Variants in RGS6 observed in about 807,000 individuals in gnomAD.
RGS6 encodes regulator of G protein signaling 6, also known as regulator of G-protein signaling 6.
A neutral mutation model predicts 78.5 loss-of-function variants in RGS6; 30 were observed. The observed-to-expected ratio is 0.38, with a 90% CI of 0.29 to 0.52. The LOEUF (loss-of-function observed/expected upper bound fraction) is 0.52, where lower values mean the gene tolerates loss of function less well. RGS6 is among the 20% of genes least tolerant of loss of function. RGS6 has a pLI of 0.85. For missense variants in RGS6, 495 were observed against 609.7 expected (o/e 0.81, Z 1.98); for synonymous variants, 206 against 206.0 (o/e 1.00, Z 0.00).
the RGS6 span, among the ~76,000 whole-genome samples, chr14:71,899,561 A>G: frequency 6.6e-6 from 1 of 152,168 alleles, no homozygotes; most frequent in Non-Finnish European, 1.5e-5. Context: ...AGGTAATTTC[A>G]TTTTGCCTTG....
chr14:72,337,276 C>T (rs1294569919), intron 2 of RGS6, among the ~76,000 whole-genome samples: 1 of 151,560 alleles, frequency 6.6e-6, no homozygotes, highest in African/African-American at 2.4e-5. Flanking sequence ...ACCAACACCC[C>T]CTCCCCTGTA....
At chr14:72,196,961 T>G (rs1256885641) in intron 2 of RGS6, among the ~76,000 whole-genome samples, 2 of 152,252 alleles carry the variant, frequency 1.3e-5, no homozygotes, top group Non-Finnish European at 2.9e-5. Context: ...GAGGGACATT[T>G]TGACCTCTTG....
At chr14:72,049,511 T>G (rs2093089797) in intron 2 of RGS6, among the ~76,000 whole-genome samples, 1 of 152,214 alleles carries the variant, frequency 6.6e-6, no homozygotes, top group Admixed American at 6.5e-5. Flanking sequence ...CTCTCATCTT[T>G]TGCAGATGCA....
rs994100295 is a variant in RGS6 at position 72,278,525 on chromosome 14, G to A, written c.85-73570G>A. Among the ~76,000 whole-genome samples the A allele has an allele frequency of 2.0e-5, 3 of 152,180 alleles. No individual in the cohort carries two copies. The East Asian group carries it at 5.8e-4, about 29-fold the overall frequency. On this transcript the variant is annotated intron_variant, in intron 2 of 17. Coordinates refer to ENST00000553525, the MANE Select transcript of RGS6 (RefSeq NM_001204424.2). ...GGCAAACAGCACATGCCAACAATAT[G>A]TTGCATGATTTGATGCCTGTTTTCA...
At chr14:72,117,735 A>G (rs2095936979) in intron 2 of RGS6, among the ~76,000 whole-genome samples, 1 of 152,058 alleles carries the variant, frequency 6.6e-6, no homozygotes. Context: ...CATGGGAGAG[A>G]TGTGATCGGG....
intron 2 of RGS6, among the ~76,000 whole-genome samples, chr14:72,244,837 T>C (rs921079542): frequency 6.6e-6 from 1 of 152,164 alleles, no homozygotes; most frequent in African/African-American, 2.4e-5. Context: ...TCTTTTTTTT[T>C]TTTTGAGACA....
In RGS6 at chr14:72,107,021, C is replaced by T. The variant is rs142870261; in HGVS notation, c.84+142146C>T. ...AGCCATAGATACTCAATACTTAGAT[C>T]GATTGAGAGAAGCATAATGGTGACA... is the stretch of plus-strand genomic sequence containing the variant. On this transcript the variant is annotated intron_variant, in intron 2 of 17. Coordinates refer to ENST00000553525, the MANE Select transcript of RGS6 (RefSeq NM_001204424.2). Among the ~76,000 whole-genome samples the T allele has an allele frequency of 6.6e-5, 10 of 151,988 alleles. No homozygotes were observed. In the East Asian group the frequency reaches 1.9e-3, roughly 29 times the overall value.
At chr14:72,424,782 C>G (rs1012308303) in intron 3 of RGS6, among the ~76,000 whole-genome samples, 2 of 152,120 alleles carry the variant, frequency 1.3e-5, no homozygotes, top group Non-Finnish European at 2.9e-5. Flanking sequence ...CCATCAGATC[C>G]AGGCATCTGA....
At chr14:72,310,091 C>T (rs1345822449) in intron 2 of RGS6, among the ~76,000 whole-genome samples, 1 of 152,190 alleles carries the variant, frequency 6.6e-6, no homozygotes. Context: ...GCATGTTGGT[C>T]ATTCATTATT....
At chr14:71,931,233 C>G (rs1357251731), upstream of RGS6, among the ~76,000 whole-genome samples, 2 of 152,110 alleles carry the variant, frequency 1.3e-5, no homozygotes, top group African/African-American at 4.8e-5. Context: ...TATGGTTTCT[C>G]TTGGTTGCAG....
At chr14:72,243,837 T>G (rs1424483734) in intron 2 of RGS6, among the ~76,000 whole-genome samples, 1 of 152,100 alleles carries the variant, frequency 6.6e-6, no homozygotes, top group Non-Finnish European at 1.5e-5. Context: ...GACTTTTAAG[T>G]TCTAGAGCTA....
chr14:71,887,571 G>A, the RGS6 span, among the ~76,000 whole-genome samples: 1 of 152,172 alleles, frequency 6.6e-6, no homozygotes, highest in South Asian at 2.1e-4. Flanking sequence ...TCTGTTTTAT[G>A]CAGTTGAGAT....
At chr14:72,411,101 G>T (rs1430193027) in intron 3 of RGS6, among the ~76,000 whole-genome samples, 2 of 152,162 alleles carry the variant, frequency 1.3e-5, no homozygotes, top group East Asian at 3.8e-4. Flanking sequence ...TTCCAATTCT[G>T]TGAAGAAAGT....
intron 13 of RGS6, among the ~76,000 whole-genome samples, chr14:72,502,540 C>T (rs1025559483): frequency 9.2e-5 from 14 of 152,120 alleles, no homozygotes; most frequent in Non-Finnish European, 5.9e-5. Flanking sequence ...CCGAGGCAAG[C>T]GGATCACGAG....
intron 2 of RGS6, among the ~76,000 whole-genome samples, chr14:71,980,039 C>G (rs2094364168): frequency 7.2e-6 from 1 of 139,222 alleles, no homozygotes; most frequent in African/African-American, 2.7e-5. Context: ...CTCTTTTGAT[C>G]TTTGTTGGTT....
the RGS6 span, among the ~76,000 whole-genome samples, chr14:71,927,298 A>G: frequency 3.3e-5 from 5 of 152,242 alleles, no homozygotes; most frequent in African/African-American, 1.2e-4. Flanking sequence ...GCACTCTGAC[A>G]TAACATTATT....
intron 2 of RGS6, among the ~76,000 whole-genome samples, chr14:71,996,646 T>A (rs1295907869): frequency 6.6e-6 from 1 of 152,198 alleles, no homozygotes; most frequent in Non-Finnish European, 1.5e-5. Context: ...TTTATTGCTC[T>A]ATGTCTTGTC....
chr14:72,422,191 A>T (rs1475126417), intron 3 of RGS6, among the ~76,000 whole-genome samples: 1 of 152,182 alleles, frequency 6.6e-6, no homozygotes, highest in East Asian at 1.9e-4. Flanking sequence ...AGCCACGTGG[A>T]ACTGTAAGTC....
chr14:72,414,444 G>T (rs1363956288), intron 3 of RGS6, among the ~76,000 whole-genome samples: 3 of 152,108 alleles, frequency 2.0e-5, no homozygotes, highest in Non-Finnish European at 4.4e-5. Context: ...CTCTGCATTG[G>T]TTATTCTAGT....
Sources: allele counts gnomAD v4.1 joint callset (sites outside exome capture counted in the v4.1 genomes callset), GRCh38; gene constraint gnomAD v4.1.1; transcripts MANE v1.5; gene names NCBI Gene and HGNC (gene_info 2026-07-23, HGNC 2026-07-21).